PCDH15: variants seen among roughly 807,000 people sequenced by gnomAD.
PCDH15 encodes protocadherin-15.
Under a neutral mutation model 178.5 loss-of-function variants are expected in PCDH15, and 129 were observed. That is an observed-to-expected ratio of 0.72 (90% confidence interval 0.63 to 0.84). The LOEUF is 0.84. Among genes scored for constraint, PCDH15 ranks in the 40% least tolerant of loss-of-function variants. PCDH15 has a pLI of 0.00. For missense variants in PCDH15, 2,230 were observed against 2,099.9 expected, an observed-to-expected ratio of 1.06 and a Z score of -1.21; for synonymous variants, 800 against 732.0, an observed-to-expected ratio of 1.09 and a Z score of -1.50.
intron 2 of PCDH15, among the ~76,000 whole-genome samples, chr10:55,476,776 C>G (rs1200068651): frequency 2.0e-5 from 3 of 151,956 alleles, no homozygotes; most frequent in Non-Finnish European, 4.4e-5. Context: ...ATTTTCCTTC[C>G]AAGCACTCTT....
chr10:55,197,989 C>T (rs1025820895), intron 1 of PCDH15, among the ~76,000 whole-genome samples: 1 of 151,966 alleles, frequency 6.6e-6, no homozygotes, highest in African/African-American at 2.4e-5. Context: ...ATTCAGACAT[C>T]TACATAAAAG....
intron 34 of PCDH15, among the ~76,000 whole-genome samples, chr10:53,817,095 C>CT (rs1258215494): frequency 3.2e-4 from 49 of 152,310 alleles, no homozygotes; most frequent in East Asian, 1.9e-4. Flanking sequence ...ATTGAACCCA[C>CT]TGTTTAAACT....
At chr10:53,823,175 A>G (rs182383209) in intron 32 of PCDH15, 8 of 1,614,004 alleles carry the variant, frequency 5.0e-6, no homozygotes, top group Non-Finnish European at 6.8e-6. Flanking sequence ...CATCCTCATC[A>G]GATAGAAATG....
intron 15 of PCDH15, 109 bp from the exon 16 acceptor site, chr10:54,090,172 TTAAAGAA>T (rs973743647): frequency 6.3e-5 from 54 of 859,740 alleles, no homozygotes; most frequent in South Asian, 3.0e-4. Context: ...CATGACACTG[TTAAAGAA>T]TAAAGATTAA....
intron 14 of PCDH15, among the ~76,000 whole-genome samples, chr10:54,137,530 C>T (rs762521436): frequency 6.6e-6 from 1 of 152,104 alleles, no homozygotes; most frequent in African/African-American, 2.4e-5. Flanking sequence ...CAGGAAACAA[C>T]CTTCAGGCCT....
intron 8 of PCDH15, among the ~76,000 whole-genome samples, chr10:54,291,392 C>T (rs1269403988): frequency 6.6e-6 from 1 of 152,104 alleles, no homozygotes; most frequent in Non-Finnish European, 1.5e-5. Flanking sequence ...AATCAATACC[C>T]TAATATCACA....
chr10:54,783,101 G>A (rs1950527794), intron 1 of PCDH15, among the ~76,000 whole-genome samples: 1 of 151,952 alleles, frequency 6.6e-6, no homozygotes, highest in African/African-American at 2.4e-5. Context: ...ACTTTCAAAG[G>A]AACAAAATAA....
At chr10:53,929,018 C>T (rs531546211) in intron 25 of PCDH15, among the ~76,000 whole-genome samples, 1 of 151,960 alleles carries the variant, frequency 6.6e-6, no homozygotes, top group South Asian at 2.1e-4. Flanking sequence ...ATTTTGCTTG[C>T]CCATGGCAGC....
At chr10:54,108,158 A>G (rs112081644) in intron 15 of PCDH15, among the ~76,000 whole-genome samples, 2 of 152,282 alleles carry the variant, frequency 1.3e-5, no homozygotes, top group African/African-American at 4.8e-5. Context: ...AACAACTTTC[A>G]TAACAAGAAA....
At chr10:55,199,277 T>C (rs933725590) in intron 1 of PCDH15, among the ~76,000 whole-genome samples, 4 of 152,072 alleles carry the variant, frequency 2.6e-5, no homozygotes, top group African/African-American at 9.7e-5. Flanking sequence ...GGAGCAAAGA[T>C]CACTCTTGCT....
intron 2 of PCDH15, among the ~76,000 whole-genome samples, chr10:54,580,612 C>G (rs887270393): frequency 1.3e-5 from 2 of 151,954 alleles, no homozygotes; most frequent in Non-Finnish European, 2.9e-5. Context: ...CCAGCATCAC[C>G]CTGATACCAA....
intron 7 of PCDH15, among the ~76,000 whole-genome samples, chr10:54,318,310 T>C (rs1014217268): frequency 2.6e-5 from 4 of 152,166 alleles, no homozygotes; most frequent in Non-Finnish European, 5.9e-5. Flanking sequence ...TGCCAATTAG[T>C]AAACACATCT....
intron 8 of PCDH15, among the ~76,000 whole-genome samples, chr10:54,243,789 C>G (rs1342800495): frequency 6.6e-6 from 1 of 152,118 alleles, no homozygotes; most frequent in Non-Finnish European, 1.5e-5. Flanking sequence ...GAAAAAGTAT[C>G]AGACATATCG....
intron 2 of PCDH15, among the ~76,000 whole-genome samples, chr10:55,573,093 TATG>T (rs1409440481): frequency 5.9e-5 from 9 of 152,132 alleles, no homozygotes; most frequent in Non-Finnish European, 7.4e-5. Context: ...TATGTAGTGC[TATG>T]ATAACACCAA....
intron 5 of PCDH15, among the ~76,000 whole-genome samples, chr10:54,359,206 G>C (rs892899927): frequency 6.6e-6 from 1 of 151,426 alleles, no homozygotes; most frequent in Admixed American, 6.6e-5. Context: ...AATAAATTTG[G>C]TTCTCTATAT....
At chr10:54,732,308 A>T (rs1943525714) in intron 1 of PCDH15, among the ~76,000 whole-genome samples, 1 of 151,374 alleles carries the variant, frequency 6.6e-6, no homozygotes, top group Admixed American at 6.6e-5. Flanking sequence ...AGCAAGTCAG[A>T]CACAGAGAAT....
chr10:55,304,944 G>A (rs545290574), intron 1 of PCDH15, among the ~76,000 whole-genome samples: 15 of 152,148 alleles, frequency 9.9e-5, no homozygotes, highest in African/African-American at 3.6e-4. Flanking sequence ...TTTCCCTCAA[G>A]TAGATAGTAT....
In PCDH15 at chr10:53,802,858, G is replaced by GT. The variant is rs1840950989; in HGVS notation, c.*3720dup. On this transcript the variant is annotated 3_prime_UTR_variant, in exon 38 of 38. Coordinates refer to ENST00000644397, the MANE Select transcript of PCDH15 (RefSeq NM_001384140.1). ...AACTTCTAATTCAGATTCTTATACA[G>GT]TAACATAATATTTGTTAAGGAAGAA... 1 of 151,876 alleles carries GT rather than the reference G, an allele frequency of 6.6e-6. No individual in the cohort carries two copies. Among genetic ancestry groups the GT allele is most frequent in the Non-Finnish European group, 1.5e-5 (1 of 67,842 alleles). 9.4% of individuals were successfully genotyped at this position (151,876 alleles called of 1,614,324 possible). A position where few individuals can be genotyped will look rare whatever the true frequency, so the allele number is the denominator to read the frequency against.
At chr10:54,864,568 A>C (rs1030811149) in intron 3 of PCDH15, 2 of 152,192 alleles carry the variant, frequency 1.3e-5, no homozygotes, top group African/African-American at 4.8e-5. Context: ...TTTATTATAT[A>C]ATATTGTCTA....
Sources: gnomAD v4.1 joint callset for allele counts (sites outside exome capture counted in the v4.1 genomes callset) on GRCh38, gnomAD v4.1.1 for gene constraint, MANE v1.5 for transcripts, NCBI Gene and HGNC (gene_info 2026-07-23, HGNC 2026-07-21) for gene names.